CALR: variants seen among roughly 807,000 people sequenced by gnomAD.
The protein encoded by CALR is calreticulin.
A neutral mutation model predicts 51.1 loss-of-function variants in CALR; 15 were observed. That is an observed-to-expected ratio of 0.29 (90% CI 0.20 to 0.45). The LOEUF is 0.45. Ranked by LOEUF, CALR falls within the 20% of genes least tolerant of loss-of-function variation. The pLI, the probability that CALR is intolerant of heterozygous loss-of-function variation, is 1.00. For synonymous variants in CALR, 239 were observed against 205.9 expected (o/e 1.16, Z -1.38); for missense variants, 477 against 530.6 (o/e 0.90, Z 0.99).
At position 12,939,578 on chromosome 19, in the gene CALR, A is replaced by G. The variant is rs1599659517; in HGVS notation, c.344A>G (p.Asn115Ser). The change falls in exon 3 of 9, where the codon AAT (asparagine) becomes AGT (serine). Residue 115 changes from asparagine to serine, a missense_variant. By Grantham distance (46) the Asn-to-Ser change is conservative. Coordinates refer to ENST00000316448, the MANE Select transcript of CALR (RefSeq NM_004343.4). ...CGGGYVKLFP[N>S]SLDQTDMHGD... ...GGCGGCTATGTGAAGCTGTTTCCTA[A>G]TAGTTTGGACCAGACAGACATGCAC... 6.2e-7 allele frequency: 1 copy of G among 1,614,126 alleles called. No homozygotes were observed. The highest frequency in any genetic ancestry group is 8.5e-7 in the Non-Finnish European group (1 of 1,180,028).
At position 12,940,625 on chromosome 19, in the gene CALR, C is replaced by G. The variant is rs148447453; in HGVS notation, c.787C>G (p.Pro263Ala). Reference sequence around the variant, plus strand: ...TGAAGAGATGGACGGAGAGTGGGAACCCCCAGTGATTCAGAACCCTGAGTA... The same window carrying G: ...TGAAGAGATGGACGGAGAGTGGGAAGCCCCAGTGATTCAGAACCCTGAGTA... Reference protein sequence around the residue: ...WDEEMDGEWEPPVIQNPEYKG... With the variant: ...WDEEMDGEWEAPVIQNPEYKG... The change falls in exon 6 of 9, where the codon CCC becomes GCC. Residue 263 changes from proline to alanine, a missense_variant. Physicochemically the swap from Pro to Ala is conservative, Grantham distance 27. Coordinates refer to ENST00000316448, the MANE Select transcript of CALR (RefSeq NM_004343.4). 1 of 1,613,952 alleles carries G rather than the reference C, an allele frequency of 6.2e-7. No homozygotes were observed. The highest frequency in any genetic ancestry group is 1.3e-5 in the African/African-American group (1 of 74,902).
chr19:12,940,489 G>C (rs1360665389), intron 5 of CALR, 37 bp downstream of exon 5: 9 of 1,612,076 alleles, frequency 5.6e-6, no homozygotes, highest in Non-Finnish European at 7.6e-6. Flanking sequence ...CTCCACATTG[G>C]AGGGTGTGGA....
chr19:12,943,810 A>ATCCTTGT lies in CALR; in HGVS notation c.1151_1152insTCCTTGT (p.Lys385ProfsTer6), dbSNP rs1971582721. 6.3e-7 allele frequency: 1 copy of ATCCTTGT among 1,585,082 alleles called. No homozygotes were observed. Among genetic ancestry groups the ATCCTTGT allele is most frequent in the African/African-American group, 1.3e-5 (1 of 74,344 alleles). ...CGCAAAGAGGAGGAGGAGGCAGAGG[A>ATCCTTGT]CAAGGAGGATGATGAGGACAAAGAT... On this transcript the variant is annotated frameshift_variant, in exon 9 of 9. Coordinates refer to ENST00000316448, the MANE Select transcript of CALR (RefSeq NM_004343.4). LOFTEE classifies it high-confidence loss of function.
chr19:12,940,022 T>G, intron 3 of CALR, 31 bp from the exon 4 acceptor site: 1 of 1,497,724 alleles, frequency 6.7e-7, no homozygotes, highest in East Asian at 2.3e-5. Flanking sequence ...GGGTAGTCTC[T>G]GACTCTTAAC....
At position 12,940,200 on chromosome 19, in the gene CALR, C is replaced by T. The variant is rs1002578053; in HGVS notation, c.493-43C>T. 4.3e-6 allele frequency: 7 copies of T among 1,611,364 alleles called. No individual in the cohort carries two copies. In the South Asian group the frequency reaches 4.4e-5, roughly 10 times the overall value. ...TGTCATGGGGAGATTCAGAGGTCAG[C>T]CTCATTGGGGGGTGGCCCCCGCTCA... On this transcript the variant is annotated intron_variant, in intron 4 of 8. Transcript: ENST00000316448.
chr19:12,939,746 C>T lies in CALR; in HGVS notation c.397+115C>T, dbSNP rs1568448330. 1.7e-5 allele frequency: 15 copies of T among 891,342 alleles called. No individual in the cohort carries two copies. The East Asian group carries it at 2.6e-4, about 16-fold the overall frequency. 55.2% of individuals were successfully genotyped at this position (891,342 alleles called of 1,614,324 possible). On this transcript the variant is annotated intron_variant, in intron 3 of 8. Transcript: ENST00000316448. ...GGAAGGGGAGCTAAAAGAATAAGTC[C>T]CAGCAACAATTTATTGCATTATGAT... is the stretch of plus-strand genomic sequence containing the variant.
intron 3 of CALR, 31 bp downstream of exon 3, chr19:12,939,662 G>A: frequency 6.3e-7 from 1 of 1,578,814 alleles, no homozygotes; most frequent in African/African-American, 1.3e-5. Context: ...GCTGATCTCT[G>A]TCCCATTAGT....
rs1436466706 is a variant in CALR, at chr19:12,939,355, CTTCTCTA to C, written c.194-65_194-59del. 3.8e-5 allele frequency: 57 copies of C among 1,513,838 alleles called. 1 individual carries two copies. Among genetic ancestry groups the C allele is most frequent in the Non-Finnish European group, 4.8e-5 (52 of 1,091,842 alleles). 93.8% of individuals were successfully genotyped at this position (1,513,838 alleles called of 1,614,324 possible). A position where few individuals can be genotyped will look rare whatever the true frequency, so the allele number is the denominator to read the frequency against. ...GGACAGGTGGAGGAAGTGGGGGAGT[CTTCTCTA>C]TTCTCTAAGTCGAGGGTCCTCGCGA... is the stretch of plus-strand genomic sequence containing the variant. On this transcript the variant is annotated intron_variant, in intron 2 of 8. Coordinates refer to ENST00000316448, the MANE Select transcript of CALR (RefSeq NM_004343.4).
chr19:12,940,060 C>T lies in CALR; in HGVS notation c.405C>T (p.Asp135=), dbSNP rs1971524387. The change falls in exon 4 of 9, where the codon GAC becomes GAT. Residue 135 remains aspartate, a synonymous_variant. Transcript: ENST00000316448. ...GATCTGCTTCACACCTAGGTCCCGA[C>T]ATCTGTGGCCCTGGCACCAAGAAGG... is the stretch of plus-strand genomic sequence containing the variant. ...DSEYNIMFGP[D]ICGPGTKKVH... The T allele has an allele frequency of 6.2e-7, 1 of 1,612,958 alleles. No individual in the cohort carries two copies. The highest frequency in any genetic ancestry group is 8.5e-7 in the Non-Finnish European group (1 of 1,178,918).
Position 12,943,743 on chromosome 19 carries a change from G to A in CALR, c.1084G>A (p.Asp362Asn). 1 of 1,613,310 alleles carries A rather than the reference G, an allele frequency of 6.2e-7. No homozygotes were observed. Among genetic ancestry groups the A allele is most frequent in the Non-Finnish European group, 8.5e-7 (1 of 1,179,584 alleles). ...AAEKQMKDKQDEEQRLKEEEE... is the reference protein window; with the variant it reads ...AAEKQMKDKQNEEQRLKEEEE... ...AGAGAAACAAATGAAGGACAAACAG[G>A]ACGAGGAGCAGAGGCTTAAGGAGGA... Residue 362 changes from aspartate to asparagine, a missense_variant, in exon 9 of 9, where the codon GAC becomes AAC. Physicochemically the swap from Asp to Asn is conservative, Grantham distance 23. Transcript: ENST00000316448.
chr19:12,938,641 T>A lies in CALR; in HGVS notation c.-39T>A. 6.5e-7 allele frequency: 1 copy of A among 1,536,104 alleles called. No homozygotes were observed. Among genetic ancestry groups the A allele is most frequent in the African/African-American group, 1.4e-5 (1 of 73,132 alleles). On this transcript the variant is annotated 5_prime_UTR_variant, in exon 1 of 9. Coordinates refer to ENST00000316448, the MANE Select transcript of CALR (RefSeq NM_004343.4). Reference sequence around the variant, plus strand: ...CTGCAGAGCCGCTGCCGGAGGGTCGTTTTAAAGGGCCCGCGCGTTGCCGCC... The same window carrying A: ...CTGCAGAGCCGCTGCCGGAGGGTCGATTTAAAGGGCCCGCGCGTTGCCGCC...
Position 12,940,317 on chromosome 19 carries a change from C to G in CALR, c.567C>G (p.Ser189Arg). Reference protein sequence around the residue: ...DNTYEVKIDNSQVESGSLEDD... With the variant: ...DNTYEVKIDNRQVESGSLEDD... ...CCTATGAGGTGAAGATTGACAACAG[C>G]CAGGTGGAGTCCGGCTCCTTGGAAG... The change falls in exon 5 of 9, where the codon AGC becomes AGG. Residue 189 changes from serine (S) to arginine (R), a missense_variant. Transcript: ENST00000316448. 6.2e-7 allele frequency: 1 copy of G among 1,614,174 alleles called. No individual in the cohort carries two copies.
chr19:12,939,710 T>C (rs1182933137), intron 3 of CALR, 79 bp downstream of exon 3: 1 of 1,266,076 alleles, frequency 7.9e-7, no homozygotes, highest in Admixed American at 1.7e-5. Flanking sequence ...TTCTTAATAA[T>C]GATTTTTTTT....
In CALR at chr19:12,939,100, C is replaced by G. The variant is rs768180406; in HGVS notation, c.92-34C>G. Reference sequence around the variant, plus strand: ...TTGGTGTGGGGGGGGATTAGCACAGCCGCTCTGACCTACCCCTCTAATCCC... The same window carrying G: ...TTGGTGTGGGGGGGGATTAGCACAGGCGCTCTGACCTACCCCTCTAATCCC... On this transcript the variant is annotated intron_variant, in intron 1 of 8. Coordinates refer to ENST00000316448, the MANE Select transcript of CALR (RefSeq NM_004343.4). 2.1e-5 allele frequency: 27 copies of G among 1,274,628 alleles called. No individual in the cohort carries two copies. In the Admixed American group the frequency reaches 5.2e-4, roughly 25 times the overall value. The allele number at this position is 1,274,628 out of a possible 1,614,324, so 79.0% of individuals were successfully genotyped here. A position where few individuals can be genotyped will look rare whatever the true frequency, so the allele number is the denominator to read the frequency against.
Position 12,943,672 on chromosome 19 carries a change from T to C in CALR, c.1054-41T>C, listed in dbSNP as rs368939810. On this transcript the variant is annotated intron_variant, in intron 8 of 8. Transcript: ENST00000316448. Reference sequence around the variant, plus strand: ...TCCTGATGTCGGGGGCGGGCAGGGCTGGCAGGGGGCAAGGCCCTGAGGTGT... The same window carrying C: ...TCCTGATGTCGGGGGCGGGCAGGGCCGGCAGGGGGCAAGGCCCTGAGGTGT... 3.1e-6 allele frequency: 5 copies of C among 1,613,820 alleles called. No homozygotes were observed. The South Asian group carries it at 5.5e-5, about 18-fold the overall frequency.
chr19:12,939,983 A>G (rs1390054930), intron 3 of CALR, 70 bp from the exon 4 acceptor site: 1 of 1,107,996 alleles, frequency 9.0e-7, no homozygotes, highest in Non-Finnish European at 1.4e-6. Context: ...TCTTCCTTTT[A>G]TAAAGAGGGG....
chr19:12,943,352 T>C (rs949990886), intron 7 of CALR, 185 bp from the exon 8 acceptor site: 3 of 655,886 alleles, frequency 4.6e-6, no homozygotes, highest in Admixed American at 4.4e-5. Context: ...TGGGCGAGGA[T>C]TACAGGCGTG....
At position 12,943,619 on chromosome 19, in the gene CALR, G is replaced by A. The variant is rs1405633070; in HGVS notation, c.1043G>A (p.Gly348Asp). The A allele has an allele frequency of 6.2e-7, 1 of 1,614,168 alleles. No homozygotes were observed. Among genetic ancestry groups the A allele is most frequent in the Admixed American group, 1.7e-5 (1 of 60,008 alleles). Residue 348 changes from glycine to aspartate, a missense_variant, in exon 8 of 9, where the codon GGC (glycine) becomes GAC (aspartate). Gly to Asp is a moderately conservative substitution (Grantham distance 94). Coordinates refer to ENST00000316448, the MANE Select transcript of CALR (RefSeq NM_004343.4). ...GAGGAGTTTGGCAACGAGACGTGGG[G>A]CGTAACAAAGGTGAGGCCTGGTCCT... The part of the protein sequence containing the change: ...YAEEFGNETW[G>D]VTKAAEKQMK...
At chr19:12,942,607 T>C (rs1409858050) in intron 7 of CALR, among the ~76,000 whole-genome samples, 1 of 151,072 alleles carries the variant, frequency 6.6e-6, no homozygotes, top group African/African-American at 2.4e-5. Context: ...TTTTTTTTTT[T>C]TTTTTAAGAC....
Sources: allele counts gnomAD v4.1 joint callset (sites outside exome capture counted in the v4.1 genomes callset), GRCh38; gene constraint gnomAD v4.1.1; transcripts MANE v1.5; gene names NCBI Gene and HGNC (gene_info 2026-07-23, HGNC 2026-07-21).